DNAH17: variants seen among roughly 807,000 people sequenced by gnomAD.
DNAH17 encodes the protein dynein axonemal heavy chain 17.
Under a neutral mutation model 485.6 loss-of-function variants are expected in DNAH17, and 376 were observed. The observed-to-expected ratio is 0.77, with a 90% confidence interval of 0.71 to 0.84. DNAH17 has a LOEUF of 0.84. Among genes scored for constraint, DNAH17 ranks in the 40% least tolerant of loss-of-function variants. The pLI, the probability that DNAH17 is intolerant of heterozygous loss-of-function variation, is 0.00. For missense variants in DNAH17, 6,370 were observed against 5,839.3 expected (o/e 1.09, Z -2.96); for synonymous variants, 3,031 against 2,405.9 (o/e 1.26, Z -7.60).
At chr17:78,476,528 G>C (rs1281232407) in intron 52 of DNAH17, 44 bp downstream of exon 52, 1 of 1,574,534 alleles carries the variant, frequency 6.4e-7, no homozygotes. Flanking sequence ...CACCCTCCTG[G>C]AGCCATTCTG....
At chr17:78,531,029 G>C (rs965587520) in intron 20 of DNAH17, among the ~76,000 whole-genome samples, 1 of 152,152 alleles carries the variant, frequency 6.6e-6, no homozygotes, top group Non-Finnish European at 1.5e-5. Context: ...GCAGCTGTTG[G>C]GTAAAGTGTT....
At chr17:78,470,795 G>A (rs1050544424) in intron 54 of DNAH17, among the ~76,000 whole-genome samples, 2 of 152,178 alleles carry the variant, frequency 1.3e-5, no homozygotes, top group African/African-American at 4.8e-5. Flanking sequence ...CCCTAAAAGA[G>A]GCCCTGAATA....
rs759477361 is a variant in DNAH17, at chr17:78,425,566, G to A, written c.12921C>T (p.Leu4307=). ...GGGCAAAGTCTGTCGTCCAGGCCTC[G>A]AGTTCCTGCAAGGACACACGAGCCG... The part of the protein sequence containing the change: ...YADLLLRIRE[L]EAWTTDFALP... Residue 4307 remains leucine (L), a synonymous_variant, in exon 80 of 81, where the codon CTC becomes CTT. Coordinates refer to ENST00000389840, the MANE Select transcript of DNAH17 (RefSeq NM_173628.4). 5.6e-6 allele frequency: 9 copies of A among 1,607,072 alleles called. No homozygotes were observed. Among genetic ancestry groups the A allele is most frequent in the African/African-American group, 5.4e-5 (4 of 74,698 alleles).
intron 9 of DNAH17, 49 bp downstream of exon 9, chr17:78,569,117 G>T: frequency 6.9e-7 from 1 of 1,444,378 alleles, no homozygotes; most frequent in Non-Finnish European, 9.5e-7. Context: ...TCCTAGGGTA[G>T]GAGCAGTCTG....
At chr17:78,430,285 G>A (rs1201256348) in intron 75 of DNAH17, among the ~76,000 whole-genome samples, 1 of 151,988 alleles carries the variant, frequency 6.6e-6, no homozygotes, top group Non-Finnish European at 1.5e-5. Flanking sequence ...CACTTTAAAA[G>A]AGATCATTCC....
At chr17:78,504,474 A>G (rs2090417795) in intron 31 of DNAH17, among the ~76,000 whole-genome samples, 2 of 17,930 alleles carry the variant, frequency 1.1e-4, no homozygotes, top group African/African-American at 4.2e-4. Flanking sequence ...TGCTGTCACC[A>G]CCCCACCCAC....
At chr17:78,476,407 G>T (rs1191054811) in intron 52 of DNAH17, among the ~76,000 whole-genome samples, 165 bp downstream of exon 52, 1 of 151,422 alleles carries the variant, frequency 6.6e-6, no homozygotes, top group South Asian at 2.1e-4. Flanking sequence ...TGGAACCCTC[G>T]GATCCACAGC....
At chr17:78,444,880 G>A (rs2087215467) in intron 70 of DNAH17, 83 bp from the exon 71 acceptor site, 3 of 1,367,874 alleles carry the variant, frequency 2.2e-6, no homozygotes, top group Non-Finnish European at 2.0e-6. Flanking sequence ...ATTCAAGGAG[G>A]AGAGGCCATT....
At chr17:78,550,947 G>A (rs1309570448) in intron 16 of DNAH17, among the ~76,000 whole-genome samples, 5 of 152,112 alleles carry the variant, frequency 3.3e-5, no homozygotes, top group South Asian at 2.1e-4. Context: ...AGCCAGATGC[G>A]GTGGCTCACG....
intron 63 of DNAH17, among the ~76,000 whole-genome samples, chr17:78,455,385 G>T (rs1371526921): frequency 6.6e-6 from 1 of 151,552 alleles, no homozygotes; most frequent in Non-Finnish European, 1.5e-5. Context: ...GAATGCAGTA[G>T]TGTGATCTCT....
chr17:78,445,612 G>A lies in DNAH17; in HGVS notation c.11280C>T (p.Ala3760=), dbSNP rs778600557. ...GGAAGTCCACTGGTGAGACCACTCC[G>A]GCCTTAAAAGGGAACCGCAGGAGGA... The part of the protein sequence containing the change: ...LDFLLRFPFK[A]GVVSPVDFLQ... Residue 3760 remains alanine, a synonymous_variant, in exon 70 of 81, where the codon GCC becomes GCT. Coordinates refer to ENST00000389840, the MANE Select transcript of DNAH17 (RefSeq NM_173628.4). 49 of 1,565,864 alleles carry A rather than the reference G, an allele frequency of 3.1e-5. No homozygotes were observed. Among genetic ancestry groups the A allele is most frequent in the Non-Finnish European group, 3.6e-5 (42 of 1,155,106 alleles).
intron 59 of DNAH17, 44 bp from the exon 60 acceptor site, chr17:78,460,045 G>A (rs779731001): frequency 3.1e-6 from 5 of 1,606,114 alleles, no homozygotes; most frequent in East Asian, 2.2e-5. Flanking sequence ...GTTTGGACCG[G>A]GTCCTCGGTG....
rs2088029570 is a variant in DNAH17, at chr17:78,460,181, G to A, written c.9416C>T (p.Ala3139Val). 7.5e-6 allele frequency: 12 copies of A among 1,608,022 alleles called. No individual in the cohort carries two copies. The East Asian group carries it at 2.7e-4, about 36-fold the overall frequency. The part of the protein sequence containing the change: ...AEPALLAAQE[A>V]LDTLNKNNLT... ...CTTTACCTTATTCAGAGTGTCCAGAGCCTCCTGGGCTGCCAGCAGGGCCGG... is the reference window on the plus strand; with the variant it reads ...CTTTACCTTATTCAGAGTGTCCAGAACCTCCTGGGCTGCCAGCAGGGCCGG... Residue 3139 changes from alanine to valine, a missense_variant, in exon 59 of 81, where the codon GCT becomes GTT. Transcript: ENST00000389840.
intron 15 of DNAH17, 114 bp from the exon 16 acceptor site, chr17:78,551,752 G>C (rs574276204): frequency 1.6e-5 from 15 of 926,682 alleles, no homozygotes; most frequent in Admixed American, 4.2e-5. Context: ...TCACGAGGTC[G>C]GGAGTTCGAG....
chr17:78,571,055 G>T (rs373404700), intron 5 of DNAH17, 22 bp from the exon 6 acceptor site: 1 of 1,556,552 alleles, frequency 6.4e-7, no homozygotes, highest in Non-Finnish European at 8.7e-7. Context: ...AAGAACAAGT[G>T]CCCACCGGTA....
intron 36 of DNAH17, 138 bp downstream of exon 36, chr17:78,500,167 C>T (rs1044542874): frequency 1.0e-6 from 1 of 968,116 alleles, no homozygotes. Context: ...AAGTGGGGGC[C>T]CTGGCACCTC....
chr17:78,516,229 T>G (rs1332413437), intron 25 of DNAH17, among the ~76,000 whole-genome samples: 1 of 152,230 alleles, frequency 6.6e-6, no homozygotes. Context: ...TCTTGGCTAG[T>G]GTGTTTTGGA....
At chr17:78,446,620 T>C (rs1350633367) in intron 69 of DNAH17, among the ~76,000 whole-genome samples, 2 of 141,632 alleles carry the variant, frequency 1.4e-5, no homozygotes, top group Non-Finnish European at 3.0e-5. Flanking sequence ...GCTTTGCTGA[T>C]TTTTTAAATT....
In DNAH17 at chr17:78,537,282, A is replaced by C. The variant is rs748917199; in HGVS notation, c.2859+17T>G. ...AATGGATGACCCTGTGTACGGCCAG[A>C]AGAGGCCAGGACTGACCTTGTAGTT... On this transcript the variant is annotated intron_variant, in intron 19 of 80. Transcript: ENST00000389840. The C allele has an allele frequency of 1.3e-6, 2 of 1,552,182 alleles. No homozygotes were observed. Among genetic ancestry groups the C allele is most frequent in the East Asian group, 2.4e-5 (1 of 41,048 alleles).
Sources: gnomAD v4.1 joint callset for allele counts (sites outside exome capture counted in the v4.1 genomes callset) on GRCh38, gnomAD v4.1.1 for gene constraint, MANE v1.5 for transcripts, NCBI Gene and HGNC (gene_info 2026-07-23, HGNC 2026-07-21) for gene names.